C12orf42: variants seen among roughly 807,000 people sequenced by gnomAD.
The protein encoded by C12orf42 is uncharacterized protein C12orf42.
Under a neutral mutation model 21.6 loss-of-function variants are expected in C12orf42, and 25 were observed. The ratio of observed to expected loss-of-function variants is 1.16; its 90% CI spans 0.84 to 1.62. The LOEUF is 1.62. C12orf42 is among the 40% of genes most tolerant of loss of function. C12orf42 has a pLI of 0.00. For missense variants in C12orf42, 483 were observed against 459.3 expected, an observed-to-expected ratio of 1.05 and a Z score of -0.47; for synonymous variants, 174 against 175.0, an observed-to-expected ratio of 0.99 and a Z score of 0.05.
chr12:103,146,610 A>T, the C12orf42 span, among the ~76,000 whole-genome samples: 570 of 147,798 alleles, frequency 3.9e-3, 2 homozygotes, highest in Middle Eastern at 7.1e-3. Flanking sequence ...GAAAGAAAGA[A>T]AAAGAAAAGT....
intron 10 of C12orf42, among the ~76,000 whole-genome samples, chr12:103,250,056 C>CATCTATCT (rs3063670): frequency 0.018 from 2,719 of 148,166 alleles, 44 homozygotes; most frequent in African/African-American, 0.031. Flanking sequence ...AAATCAAAGA[C>CATCTATCT]ATCTATCTAT....
intron 4 of C12orf42, among the ~76,000 whole-genome samples, chr12:103,307,396 G>A (rs1266012667): frequency 6.6e-6 from 1 of 152,206 alleles, no homozygotes; most frequent in African/African-American, 2.4e-5. Flanking sequence ...TTATCCAGCA[G>A]TTGATATGGG....
chr12:103,102,038 T>G, the C12orf42 span, among the ~76,000 whole-genome samples: 2 of 152,122 alleles, frequency 1.3e-5, no homozygotes, highest in Non-Finnish European at 2.9e-5. Flanking sequence ...TTCCTCTTTA[T>G]TCTATTGGCC....
chr12:103,296,584 G>A (rs2037304972), intron 4 of C12orf42, among the ~76,000 whole-genome samples: 1 of 152,132 alleles, frequency 6.6e-6, no homozygotes, highest in Non-Finnish European at 1.5e-5. Flanking sequence ...TCTCATTGTG[G>A]TTTTGATTTG....
At chr12:103,203,725 C>G in the C12orf42 span, among the ~76,000 whole-genome samples, 1 of 152,048 alleles carries the variant, frequency 6.6e-6, no homozygotes, top group Non-Finnish European at 1.5e-5. Context: ...TAAATAGTAC[C>G]AAGTATCTAG....
chr12:103,315,012 G>A (rs1003376741), intron 4 of C12orf42, among the ~76,000 whole-genome samples: 1 of 152,144 alleles, frequency 6.6e-6, no homozygotes, highest in Non-Finnish European at 1.5e-5. Context: ...AAAGTCCAGA[G>A]AATAGGAAAA....
the C12orf42 span, among the ~76,000 whole-genome samples, chr12:103,056,836 C>T: frequency 6.6e-6 from 1 of 152,090 alleles, no homozygotes; most frequent in Non-Finnish European, 1.5e-5. Flanking sequence ...CTTGGTGAGA[C>T]TCCCTATTTC....
intron 3 of C12orf42, among the ~76,000 whole-genome samples, chr12:103,381,461 G>T (rs1018143496): frequency 4.6e-5 from 7 of 152,104 alleles, no homozygotes; most frequent in African/African-American, 1.7e-4. Context: ...TTATTTGAGG[G>T]AGGGAAAAGA....
intron 4 of C12orf42, among the ~76,000 whole-genome samples, chr12:103,364,703 A>G (rs1308390070): frequency 6.6e-6 from 1 of 152,024 alleles, no homozygotes; most frequent in Non-Finnish European, 1.5e-5. Flanking sequence ...TAGCATGAAC[A>G]TTTTTACCTA....
At chr12:103,281,897 G>GA (rs2036140117) in intron 4 of C12orf42, among the ~76,000 whole-genome samples, 2 of 143,472 alleles carry the variant, frequency 1.4e-5, no homozygotes, top group South Asian at 2.2e-4. Flanking sequence ...GAAAAAGAAA[G>GA]AAAGAAAAGA....
the C12orf42 span, among the ~76,000 whole-genome samples, chr12:103,055,853 T>A: frequency 2.0e-5 from 3 of 152,068 alleles, no homozygotes; most frequent in Admixed American, 6.5e-5. Flanking sequence ...TGTTTAGAGA[T>A]TTTTTCTGTC....
At chr12:103,177,102 C>T in the C12orf42 span, among the ~76,000 whole-genome samples, 1 of 146,750 alleles carries the variant, frequency 6.8e-6, no homozygotes, top group Non-Finnish European at 1.5e-5. Context: ...TGAACTATAA[C>T]TGTTAAGTAA....
the C12orf42 span, among the ~76,000 whole-genome samples, chr12:103,103,628 AT>A: frequency 3.3e-5 from 5 of 151,572 alleles, no homozygotes; most frequent in Non-Finnish European, 5.9e-5. Flanking sequence ...TGAGCCCAAT[AT>A]TTTTTTTTCC....
intron 10 of C12orf42, among the ~76,000 whole-genome samples, chr12:103,261,859 A>C (rs1016104064): frequency 1.3e-5 from 2 of 152,270 alleles, no homozygotes; most frequent in Non-Finnish European, 2.9e-5. Flanking sequence ...CAACACATTA[A>C]TTTTAGAGAA....
chr12:103,066,503 T>G, the C12orf42 span, among the ~76,000 whole-genome samples: 1,787 of 152,326 alleles, frequency 0.012, 12 homozygotes, highest in Non-Finnish European at 0.019. Flanking sequence ...CTGCACGATA[T>G]GCAGGCACCA....
chr12:103,382,341 G>T (rs1009126279), intron 3 of C12orf42, among the ~76,000 whole-genome samples: 1 of 152,184 alleles, frequency 6.6e-6, no homozygotes, highest in Non-Finnish European at 1.5e-5. Flanking sequence ...AACCATGTTA[G>T]ATTATTAGGA....
intron 2 of C12orf42, among the ~76,000 whole-genome samples, chr12:103,415,302 A>G (rs781229143): frequency 1.2e-4 from 19 of 152,198 alleles, no homozygotes; most frequent in Non-Finnish European, 2.6e-4. Context: ...CTAAGAAATG[A>G]CTTAGAAAAC....
chr12:103,460,073 A>C (rs1952585363), intron 2 of C12orf42, among the ~76,000 whole-genome samples: 1 of 152,202 alleles, frequency 6.6e-6, no homozygotes, highest in Admixed American at 6.5e-5. Flanking sequence ...GGACTCATAA[A>C]GAGTATTAAT....
chr12:103,103,519 CTATT>C, the C12orf42 span, among the ~76,000 whole-genome samples: 1 of 152,264 alleles, frequency 6.6e-6, no homozygotes, highest in Middle Eastern at 3.4e-3. Context: ...TATAAAGGAT[CTATT>C]TGAACTTGAA....
Sources: allele counts gnomAD v4.1 joint callset (sites outside exome capture counted in the v4.1 genomes callset), GRCh38; gene constraint gnomAD v4.1.1; transcripts MANE v1.5; gene names NCBI Gene and HGNC (gene_info 2026-07-23, HGNC 2026-07-21).